ACSS2: variants seen among roughly 807,000 people sequenced by gnomAD.
The protein encoded by ACSS2 is acyl-CoA synthetase short chain family member 2, also known as acetyl-coenzyme A synthetase, cytoplasmic.
A neutral mutation model predicts 90.6 loss-of-function variants in ACSS2; 58 were observed. That is an observed-to-expected ratio of 0.64 (90% CI 0.52 to 0.80). ACSS2 has a LOEUF of 0.80. ACSS2 is among the 30% of genes least tolerant of loss of function. The pLI, the probability that ACSS2 is intolerant of heterozygous loss-of-function variation, is 0.00. For missense variants in ACSS2, 759 were observed against 912.0 expected, an observed-to-expected ratio of 0.83 and a Z score of 2.16; for synonymous variants, 300 against 330.9, an observed-to-expected ratio of 0.91 and a Z score of 1.01.
chr20:34,878,851 A>G (rs1020009112), intron 1 of ACSS2, among the ~76,000 whole-genome samples: 5 of 149,178 alleles, frequency 3.4e-5, no homozygotes, highest in African/African-American at 7.4e-5. Context: ...AAAACTTTCA[A>G]TGGTTCCCTG....
At chr20:34,887,676 G>C (rs943452381) in intron 2 of ACSS2, among the ~76,000 whole-genome samples, 17 of 152,182 alleles carry the variant, frequency 1.1e-4, no homozygotes, top group African/African-American at 4.1e-4. Context: ...AGGAGGCAGA[G>C]GTTGTAGTGA....
rs74786200 is a variant in ACSS2, at chr20:34,901,161, G to A, written c.375-11935G>A. ...GCTACTAATTTGTAAGTAACCTTGA[G>A]GTCATCACTTTCTATTTCTGTGCCA... On this transcript the variant is annotated intron_variant, in intron 2 of 17. Coordinates refer to ENST00000360596, the MANE Select transcript of ACSS2 (RefSeq NM_018677.4). Among the ~76,000 whole-genome samples, 128 of 152,274 alleles carry A rather than the reference G, an allele frequency of 8.4e-4. 1 individual carries two copies. The highest frequency in any genetic ancestry group is 3.0e-3 in the African/African-American group (123 of 41,554).
intron 7 of ACSS2, among the ~76,000 whole-genome samples, chr20:34,917,164 T>C (rs1284391328): frequency 2.0e-5 from 3 of 152,210 alleles, no homozygotes; most frequent in African/African-American, 7.2e-5. Context: ...TGTCCTTACA[T>C]GTACTTAGTG....
In ACSS2 at chr20:34,878,137, G is replaced by GTA. The variant is rs1196941491; in HGVS notation, c.178+1315_178+1316insAT. Among the ~76,000 whole-genome samples, 6 of 152,294 alleles carry GTA rather than the reference G, an allele frequency of 3.9e-5. No homozygotes were observed. The East Asian group carries it at 1.2e-3, about 29-fold the overall frequency. ...TTTTGGAGAGACGAGGTTTTGCCAT[G>GTA]TTGCCCAGGCTGGTCTTGAACTCCT... On this transcript the variant is annotated intron_variant, in intron 1 of 17. Transcript: ENST00000360596.
At chr20:34,908,762 G>T (rs2080872095) in intron 2 of ACSS2, 1 of 345,188 alleles carries the variant, frequency 2.9e-6, no homozygotes, top group African/African-American at 2.2e-5. Context: ...TCAGGAGTCT[G>T]AGGCAGAAGA....
At chr20:34,898,245 G>C (rs6087646) in intron 2 of ACSS2, among the ~76,000 whole-genome samples, 1 of 151,294 alleles carries the variant, frequency 6.6e-6, no homozygotes, top group African/African-American at 2.4e-5. Context: ...CTGCTGGCTG[G>C]GGCAGCCTGC....
chr20:34,892,697 TTTTA>T (rs887722380), intron 2 of ACSS2, among the ~76,000 whole-genome samples: 5 of 152,326 alleles, frequency 3.3e-5, no homozygotes, highest in Non-Finnish European at 5.9e-5. Flanking sequence ...TATTAGCTAT[TTTTA>T]TTATTATGCC....
At chr20:34,897,598 G>C (rs1259764937) in intron 2 of ACSS2, among the ~76,000 whole-genome samples, 2 of 152,080 alleles carry the variant, frequency 1.3e-5, no homozygotes, top group Admixed American at 6.6e-5. Flanking sequence ...ATCACCTGAG[G>C]TTGGTGGATC....
Position 34,916,590 on chromosome 20 carries a change from T to G in ACSS2, c.834+2153T>G, listed in dbSNP as rs140207401. Among the ~76,000 whole-genome samples, 386 of 152,240 alleles carry G rather than the reference T, an allele frequency of 2.5e-3. 2 individuals carry two copies. Among genetic ancestry groups the G allele is most frequent in the African/African-American group, 9.0e-3 (372 of 41,522 alleles). On this transcript the variant is annotated intron_variant, in intron 7 of 17. Transcript: ENST00000360596. ...TTTCTTGGAGGTGAAAATAACCAGTTTCCAAAATACCAAAGAGCATAAAAA... is the reference window on the plus strand; with the variant it reads ...TTTCTTGGAGGTGAAAATAACCAGTGTCCAAAATACCAAAGAGCATAAAAA...
At chr20:34,899,460 TTCC>T (rs1391054549) in intron 2 of ACSS2, among the ~76,000 whole-genome samples, 5 of 142,912 alleles carry the variant, frequency 3.5e-5, no homozygotes, top group East Asian at 2.0e-4. Context: ...CCTTCCTTCC[TTCC>T]TTCCTTTCTT....
At chr20:34,886,951 AT>A (rs2080209255) in intron 2 of ACSS2, among the ~76,000 whole-genome samples, 1 of 152,254 alleles carries the variant, frequency 6.6e-6, no homozygotes, top group Non-Finnish European at 1.5e-5. Flanking sequence ...TGGAACATAC[AT>A]TGTGTAGTCA....
At chr20:34,900,710 C>G (rs2080636587) in intron 2 of ACSS2, among the ~76,000 whole-genome samples, 1 of 152,150 alleles carries the variant, frequency 6.6e-6, no homozygotes, top group Non-Finnish European at 1.5e-5. Flanking sequence ...AGTTAGATAT[C>G]ATTTGAAACC....
At position 34,910,822 on chromosome 20, in the gene ACSS2, ATTTAT is replaced by A. The variant is rs571953808; in HGVS notation, c.375-2271_375-2267del. 5.3e-4 allele frequency among the ~76,000 whole-genome samples: 81 copies of A among 152,140 alleles called. No homozygotes were observed. The South Asian group carries it at 0.017, about 31-fold the overall frequency. On this transcript the variant is annotated intron_variant, in intron 2 of 17. Coordinates refer to ENST00000360596, the MANE Select transcript of ACSS2 (RefSeq NM_018677.4). ...TTGGAAAAAAACCACTAAGGGAAAC[ATTTAT>A]TTATTTATTTTTTGAGACAGGGACT... is the stretch of plus-strand genomic sequence containing the variant.
intron 1 of ACSS2, among the ~76,000 whole-genome samples, chr20:34,877,818 C>CAAAA (rs60819156): frequency 9.1e-4 from 83 of 91,194 alleles, no homozygotes; most frequent in Non-Finnish European, 1.2e-3. Context: ...GACTTTGTCT[C>CAAAA]AAAAAAAAAA....
At chr20:34,901,498 C>T (rs2080658303) in intron 2 of ACSS2, among the ~76,000 whole-genome samples, 1 of 152,218 alleles carries the variant, frequency 6.6e-6, no homozygotes, top group African/African-American at 2.4e-5. Context: ...AGGGCAGAAG[C>T]ACCCAGAGGG....
At position 34,895,183 on chromosome 20, in the gene ACSS2, A is replaced by T. The variant is rs545144230; in HGVS notation, c.374+12194A>T. 1.4e-3 allele frequency among the ~76,000 whole-genome samples: 215 copies of T among 152,322 alleles called. 1 individual carries two copies. The highest frequency in any genetic ancestry group is 5.0e-3 in the African/African-American group (206 of 41,566). ...ATCTAAAAATTTTATCATAAGATTTAAAAATTGCAAAAAATCGAATTTCCA... is the reference window on the plus strand; with the variant it reads ...ATCTAAAAATTTTATCATAAGATTTTAAAATTGCAAAAAATCGAATTTCCA... On this transcript the variant is annotated intron_variant, in intron 2 of 17. Coordinates refer to ENST00000360596, the MANE Select transcript of ACSS2 (RefSeq NM_018677.4).
intron 15 of ACSS2, 24 bp downstream of exon 15, chr20:34,925,790 C>T: frequency 6.2e-7 from 1 of 1,607,072 alleles, no homozygotes; most frequent in Non-Finnish European, 8.5e-7. Context: ...GCCACCTTCC[C>T]ATCTTATTAA....
chr20:34,908,660 A>G (rs954901715), intron 2 of ACSS2: 5 of 218,488 alleles, frequency 2.3e-5, no homozygotes, highest in Non-Finnish European at 3.7e-5. Flanking sequence ...TCAGGAGTTC[A>G]AGACCAACCT....
Position 34,927,103 on chromosome 20 carries a change from A to G in ACSS2, c.1995A>G (p.Arg665=). Residue 665 remains arginine, a synonymous_variant, in exon 18 of 18, where the codon CGA becomes CGG. Coordinates refer to ENST00000360596, the MANE Select transcript of ACSS2 (RefSeq NM_018677.4). The surrounding 1 kb of genome is among the most constrained non-coding windows in gnomAD (Gnocchi z 4.2). ...PKTRSGKIMR[R]VLRKIAQNDH... is the part of the protein sequence containing the mutation. The stretch of plus-strand genomic sequence containing the variant: ...GTTCCCCAGGGAAAATCATGAGGCG[A>G]GTGCTTCGGAAGATTGCTCAGAATG... 1 of 1,614,120 alleles carries G rather than the reference A, an allele frequency of 6.2e-7. No individual in the cohort carries two copies.
Sources: gnomAD v4.1 joint callset for allele counts (sites outside exome capture counted in the v4.1 genomes callset) on GRCh38, gnomAD v4.1.1 for gene constraint, Gnocchi (gnomAD v3.1) non-coding constraint, MANE v1.5 for transcripts, NCBI Gene and HGNC (gene_info 2026-07-23, HGNC 2026-07-21) for gene names.